ADRA1B: variants seen among roughly 807,000 people sequenced by gnomAD.
The protein encoded by ADRA1B is adrenoceptor alpha 1B, also known as alpha-1B adrenergic receptor.
ADRA1B carries 17 observed loss-of-function variants against 17.9 expected under a neutral mutation model. The ratio of observed to expected loss-of-function variants is 0.95; its 90% CI spans 0.65 to 1.42. The LOEUF is 1.42. Among genes scored for constraint, ADRA1B ranks in the 40% most tolerant of loss-of-function variants. The pLI, the probability that ADRA1B is intolerant of heterozygous loss-of-function variation, is 0.00. For synonymous variants in ADRA1B, 366 were observed against 327.6 expected (o/e 1.12, Z -1.27); for missense variants, 681 against 722.1 (o/e 0.94, Z 0.65).
chr5:159,950,640 G>C (rs1405439196), intron 1 of ADRA1B: 5 of 810,468 alleles, frequency 6.2e-6, no homozygotes, highest in Non-Finnish European at 8.8e-6. Context: ...GGGTGTCTCT[G>C]TTGAAGTCAG....
At chr5:159,871,370 A>G (rs1363530373) in intron 1 of ADRA1B, 2 of 152,194 alleles carry the variant, frequency 1.3e-5, no homozygotes, top group Non-Finnish European at 2.9e-5. Context: ...CACAAACTCG[A>G]TGACTTAATG....
chr5:159,916,842 G>A lies in ADRA1B; in HGVS notation c.-64G>A. ...GGAAGCAAAGTTTCAGGGCAGCTGA[G>A]GAGCCTTCGCCGCAGCCCTTCCGAG... On this transcript the variant is annotated 5_prime_UTR_variant, in exon 1 of 2. Transcript: ENST00000306675. 2 of 1,485,366 alleles carry A rather than the reference G, an allele frequency of 1.3e-6. No homozygotes were observed. The highest frequency in any genetic ancestry group is 1.8e-6 in the Non-Finnish European group (2 of 1,096,976). 92.0% of individuals were successfully genotyped at this position (1,485,366 alleles called of 1,614,324 possible).
chr5:159,979,509 G>C, the ADRA1B span, among the ~76,000 whole-genome samples: 1 of 152,138 alleles, frequency 6.6e-6, no homozygotes, highest in Non-Finnish European at 1.5e-5. Flanking sequence ...GGAATCCAAG[G>C]GTTCATGTCC....
At chr5:159,927,133 T>C (rs1754677361) in intron 1 of ADRA1B, among the ~76,000 whole-genome samples, 1 of 152,042 alleles carries the variant, frequency 6.6e-6, no homozygotes. Flanking sequence ...TCTTCATTCT[T>C]TATCAAAAGG....
chr5:159,983,819 T>C, the ADRA1B span, among the ~76,000 whole-genome samples: 3 of 152,210 alleles, frequency 2.0e-5, no homozygotes, highest in East Asian at 5.8e-4. Flanking sequence ...CCATGTTGGC[T>C]TCCAGTTACC....
intron 1 of ADRA1B, among the ~76,000 whole-genome samples, chr5:159,884,037 C>T (rs1753895797): frequency 6.6e-6 from 1 of 152,200 alleles, no homozygotes; most frequent in Admixed American, 6.5e-5. Context: ...CTACTTGCGA[C>T]AGAGAGAAGT....
At chr5:159,930,819 G>A (rs1026820157) in intron 1 of ADRA1B, among the ~76,000 whole-genome samples, 3 of 151,786 alleles carry the variant, frequency 2.0e-5, no homozygotes, top group Admixed American at 2.0e-4. Context: ...TACTCTATTT[G>A]TGATTAAGAA....
At chr5:159,885,431 C>T (rs1439656307) in intron 1 of ADRA1B, among the ~76,000 whole-genome samples, 1 of 152,156 alleles carries the variant, frequency 6.6e-6, no homozygotes. Flanking sequence ...TGACCCAATT[C>T]TGGCCAATGA....
chr5:159,893,509 A>T (rs1754008912), intron 1 of ADRA1B, among the ~76,000 whole-genome samples: 1 of 152,220 alleles, frequency 6.6e-6, no homozygotes, highest in South Asian at 2.1e-4. Context: ...TTGCAAAATG[A>T]AGTGGAAAAC....
intron 1 of ADRA1B, among the ~76,000 whole-genome samples, chr5:159,899,645 A>G (rs937064986): frequency 6.6e-6 from 1 of 152,184 alleles, no homozygotes; most frequent in African/African-American, 2.4e-5. Context: ...CTGAAATGGT[A>G]CAGTCATAAC....
In ADRA1B at chr5:159,881,299, T is replaced by TTCTCTCTC. The variant is rs11471058; in HGVS notation, c.-256+16133_-256+16140dup. ...GTGGAATGAGAACAATATCAGAAAG[T>TTCTCTCTC]TCTCTCTCTCTCTCTCTCTCTCTCT... On this transcript the variant is annotated intron_variant, in intron 1 of 2. Coordinates refer to the ADRA1B transcript ENST00000641205. 5.8e-4 allele frequency among the ~76,000 whole-genome samples: 77 copies of TTCTCTCTC among 132,006 alleles called. 2 individuals are homozygous for TTCTCTCTC. Among genetic ancestry groups the TTCTCTCTC allele is most frequent in the African/African-American group, 4.6e-4 (16 of 34,670 alleles). 86.6% of individuals were successfully genotyped at this position (132,006 alleles called of 152,430 possible).
intron 1 of ADRA1B, among the ~76,000 whole-genome samples, chr5:159,879,766 C>T (rs529355119): frequency 3.3e-5 from 5 of 152,080 alleles, no homozygotes; most frequent in African/African-American, 7.2e-5. Context: ...GAGGCCGAGG[C>T]GGGCGGATCA....
At chr5:159,924,250 C>A (rs1405864875) in intron 1 of ADRA1B, among the ~76,000 whole-genome samples, 1 of 150,386 alleles carries the variant, frequency 6.6e-6, no homozygotes, top group East Asian at 2.0e-4. Context: ...TTTGATGGAA[C>A]GATGGTAATT....
At chr5:159,873,413 C>T (rs1753769736) in intron 1 of ADRA1B, among the ~76,000 whole-genome samples, 1 of 152,208 alleles carries the variant, frequency 6.6e-6, no homozygotes, top group Admixed American at 6.5e-5. Flanking sequence ...ATGAGCTTGG[C>T]AGCCTCAGCT....
chr5:159,869,760 G>A (rs887960545), intron 1 of ADRA1B: 1 of 152,166 alleles, frequency 6.6e-6, no homozygotes, highest in African/African-American at 2.4e-5. Context: ...CTGTATCTCA[G>A]TCTCCTCATC....
intron 1 of ADRA1B, among the ~76,000 whole-genome samples, chr5:159,873,549 T>G (rs1753772407): frequency 6.6e-6 from 1 of 152,194 alleles, no homozygotes; most frequent in African/African-American, 2.4e-5. Flanking sequence ...AACTTCTGCC[T>G]CTGTTCAATC....
At chr5:159,935,773 C>G (rs1373966676) in intron 1 of ADRA1B, among the ~76,000 whole-genome samples, 1 of 152,236 alleles carries the variant, frequency 6.6e-6, no homozygotes, top group African/African-American at 2.4e-5. Context: ...TCTCCAACTC[C>G]TGATCTCAAG....
chr5:159,909,799 A>T (rs989912323), intron 1 of ADRA1B, among the ~76,000 whole-genome samples: 7 of 152,232 alleles, frequency 4.6e-5, no homozygotes, highest in African/African-American at 1.7e-4. Context: ...TACAACAGAG[A>T]GGCTCCTCAA....
chr5:159,957,929 CAAAAAA>C (rs35956137), intron 1 of ADRA1B, among the ~76,000 whole-genome samples: 10 of 66,850 alleles, frequency 1.5e-4, no homozygotes, highest in South Asian at 4.9e-4. Flanking sequence ...AACCCCATCT[CAAAAAA>C]AAAAAAAAAA....
Sources: allele counts gnomAD v4.1 joint callset (sites outside exome capture counted in the v4.1 genomes callset), GRCh38; gene constraint gnomAD v4.1.1; transcripts MANE v1.5; gene names NCBI Gene and HGNC (gene_info 2026-07-23, HGNC 2026-07-21).